Variants in H2BC5 observed in about 807,000 individuals in gnomAD.
H2BC5 encodes the protein histone H2B type 1-D.
In H2BC5, 9 loss-of-function variants were observed where a neutral mutation model predicts 5.7. The observed-to-expected ratio is 1.57, with a 90% CI of 0.95 to 2.74. H2BC5 has a LOEUF of 2.74. Ranked by LOEUF, H2BC5 falls within the 30% of genes most tolerant of loss-of-function variation. The probability of loss-of-function intolerance (pLI) is 0.00; values close to 1 mark genes in which losing one functional copy is unlikely to be tolerated. For synonymous variants in H2BC5, 133 were observed against 70.9 expected, an observed-to-expected ratio of 1.88 and a Z score of -4.40; for missense variants, 175 against 168.8, an observed-to-expected ratio of 1.04 and a Z score of -0.20.
At chr6:26,168,674 C>T (rs1764472796) in intron 1 of H2BC5, among the ~76,000 whole-genome samples, 1 of 151,980 alleles carries the variant, frequency 6.6e-6, no homozygotes, top group Non-Finnish European at 1.5e-5. Flanking sequence ...TTAAGAATTT[C>T]AACAATTCAG....
downstream of H2BC5, chr6:26,158,694 T>C (rs779599287): frequency 1.4e-5 from 18 of 1,291,174 alleles, no homozygotes; most frequent in Non-Finnish European, 1.8e-5. Context: ...AATGTTACGT[T>C]AGTACTGCAG....
chr6:26,165,415 C>T (rs561688964), intron 1 of H2BC5, among the ~76,000 whole-genome samples: 1 of 152,230 alleles, frequency 6.6e-6, no homozygotes, highest in South Asian at 2.1e-4. Flanking sequence ...TTGAAGCTGA[C>T]ATCCTGTGTC....
intron 1 of H2BC5, among the ~76,000 whole-genome samples, chr6:26,164,674 TA>T (rs1764394861): frequency 6.6e-6 from 1 of 151,926 alleles, no homozygotes. Context: ...CCATAGCTAG[TA>T]GGCTGCAACC....
chr6:26,165,024 A>G (rs568046078), intron 1 of H2BC5, among the ~76,000 whole-genome samples: 1 of 152,198 alleles, frequency 6.6e-6, no homozygotes, highest in East Asian at 1.9e-4. Context: ...GAAAGACTAT[A>G]TTGAAAGATG....
At chr6:26,161,217 A>G (rs145563171), downstream of H2BC5, 58 of 152,340 alleles carry the variant, frequency 3.8e-4, no homozygotes, top group African/African-American at 1.3e-3. Context: ...TGAAGGAAAA[A>G]AAAAGAAACA....
At chr6:26,170,306 T>G (rs1764498901) in intron 1 of H2BC5, among the ~76,000 whole-genome samples, 1 of 152,190 alleles carries the variant, frequency 6.6e-6, no homozygotes, top group South Asian at 2.1e-4. Context: ...AAACAGGGAG[T>G]TCACCTGTTT....
intron 1 of H2BC5, among the ~76,000 whole-genome samples, chr6:26,165,870 T>C (rs115907924): frequency 0.014 from 2,083 of 152,298 alleles, 22 homozygotes; most frequent in African/African-American, 0.03. Flanking sequence ...TGAAGCCCTG[T>C]GGCAGGAAAA....
intron 1 of H2BC5, among the ~76,000 whole-genome samples, chr6:26,168,904 T>C (rs750746823): frequency 3.9e-5 from 6 of 152,248 alleles, no homozygotes; most frequent in Non-Finnish European, 7.3e-5. Flanking sequence ...AATTCTCTAG[T>C]GCATGATTGT....
In H2BC5 at chr6:26,166,715, T is replaced by G. The variant is rs1226741169; in HGVS notation, c.*10-4260T>G. Among the ~76,000 whole-genome samples, 389 of 132,314 alleles carry G rather than the reference T, an allele frequency of 2.9e-3. 5 individuals carry two copies. Among genetic ancestry groups the G allele is most frequent in the East Asian group, 0.011 (52 of 4,950 alleles). The allele number at this position is 132,314 out of a possible 152,430, so 86.8% of individuals were successfully genotyped here. On this transcript the variant is annotated intron_variant, in intron 1 of 1. Transcript: ENST00000289316. Reference sequence around the variant, plus strand: ...GGCTTTTTTTTTTTTTTTTTTTTTTTTTGACACGGAGTCTTGTTCTGTCAC... The same window carrying G: ...GGCTTTTTTTTTTTTTTTTTTTTTTGTTGACACGGAGTCTTGTTCTGTCAC...
rs1198806389 is a variant in H2BC5 at position 26,158,591 on chromosome 6, C to T, written c.*41C>T. On this transcript the variant is annotated 3_prime_UTR_variant, in exon 1 of 1. Coordinates refer to ENST00000377777, the MANE Select transcript of H2BC5 (RefSeq NM_021063.4). ...ATCTTTACACCTAATCCCAAAGGCT[C>T]TTTTAAGAGCCACGCATGTTTTCAA... The T allele has an allele frequency of 6.3e-7, 1 of 1,598,370 alleles. No individual in the cohort carries two copies. Among genetic ancestry groups the T allele is most frequent in the Non-Finnish European group, 8.5e-7 (1 of 1,173,600 alleles).
At position 26,158,293 on chromosome 6, in the gene H2BC5, G is replaced by A. The variant is rs2113830935; in HGVS notation, c.124G>A (p.Val42Met). 6.2e-7 allele frequency: 1 copy of A among 1,614,264 alleles called. No individual in the cohort carries two copies. Among genetic ancestry groups the A allele is most frequent in the South Asian group, 1.1e-5 (1 of 91,088 alleles). Residue 42 changes from valine (V) to methionine (M), a missense_variant, in exon 1 of 1, where the codon GTG (valine) becomes ATG (methionine). Physicochemically the swap from Val to Met is conservative, Grantham distance 21. Coordinates refer to ENST00000377777, the MANE Select transcript of H2BC5 (RefSeq NM_021063.4). Reference sequence around the variant, plus strand: ...CCGCAAGGAGAGCTATTCAGTGTATGTGTACAAGGTGCTGAAGCAGGTCCA... The same window carrying A: ...CCGCAAGGAGAGCTATTCAGTGTATATGTACAAGGTGCTGAAGCAGGTCCA... ...RSRKESYSVYVYKVLKQVHPD... is the reference protein window; with the variant it reads ...RSRKESYSVYMYKVLKQVHPD...
chr6:26,169,807 A>G (rs1764490598), intron 1 of H2BC5, among the ~76,000 whole-genome samples: 1 of 152,014 alleles, frequency 6.6e-6, no homozygotes, highest in African/African-American at 2.4e-5. Context: ...AAAAATACAA[A>G]AATTAGCCAG....
chr6:26,165,869 G>A (rs750033290), intron 1 of H2BC5, among the ~76,000 whole-genome samples: 6 of 152,216 alleles, frequency 3.9e-5, no homozygotes, highest in Non-Finnish European at 8.8e-5. Flanking sequence ...GTGAAGCCCT[G>A]TGGCAGGAAA....
At chr6:26,167,049 C>CTTTTTTTTTTTTTTTTTTT (rs149341201) in intron 1 of H2BC5, among the ~76,000 whole-genome samples, 21 of 97,024 alleles carry the variant, frequency 2.2e-4, no homozygotes, top group African/African-American at 5.3e-4. Flanking sequence ...TTTGTTTTCT[C>CTTTTTTTTTTTTTTTTTTT]TTTTTTTTTT....
chr6:26,161,754 G>A (rs1764354900), downstream of H2BC5, among the ~76,000 whole-genome samples: 1 of 152,084 alleles, frequency 6.6e-6, no homozygotes. Flanking sequence ...CCTGGGCAAT[G>A]AGAGTGAGAC....
In H2BC5 at chr6:26,164,731, A is replaced by T. The variant is rs753221182; in HGVS notation, c.*9+6172A>T. Reference sequence around the variant, plus strand: ...CTTCCTGCTCCCCTTCCAGCCAACTATGCAGCCCACAAGAAGGCTCTGCAG... The same window carrying T: ...CTTCCTGCTCCCCTTCCAGCCAACTTTGCAGCCCACAAGAAGGCTCTGCAG... On this transcript the variant is annotated intron_variant, in intron 1 of 1. Transcript: ENST00000289316. Among the ~76,000 whole-genome samples, 4 of 151,898 alleles carry T rather than the reference A, an allele frequency of 2.6e-5. No homozygotes were observed. The East Asian group carries it at 7.7e-4, about 29-fold the overall frequency.
chr6:26,161,770 C>G (rs572468568), downstream of H2BC5, among the ~76,000 whole-genome samples: 1 of 152,064 alleles, frequency 6.6e-6, no homozygotes, highest in African/African-American at 2.4e-5. Flanking sequence ...GAGACCTTGT[C>G]TCAAATAATA....
intron 1 of H2BC5, among the ~76,000 whole-genome samples, chr6:26,167,688 C>A (rs1041140226): frequency 1.3e-5 from 2 of 151,888 alleles, no homozygotes; most frequent in Non-Finnish European, 2.9e-5. Flanking sequence ...TGGAATCCTC[C>A]CATGTTGAAG....
intron 1 of H2BC5, chr6:26,164,109 T>A: frequency 2.2e-6 from 1 of 455,268 alleles, no homozygotes. Context: ...TTCCAAAGTC[T>A]TGAAGACTTC....
Sources: allele counts gnomAD v4.1 joint callset (sites outside exome capture counted in the v4.1 genomes callset), GRCh38; gene constraint gnomAD v4.1.1; transcripts MANE v1.5; gene names NCBI Gene and HGNC (gene_info 2026-07-23, HGNC 2026-07-21).